CLSTN1: variants seen among roughly 807,000 people sequenced by gnomAD.
The protein encoded by CLSTN1 is calsyntenin-1.
In CLSTN1, 28 loss-of-function variants were observed where a neutral mutation model predicts 108.3. The ratio of observed to expected loss-of-function variants is 0.26; its 90% CI spans 0.19 to 0.35. The LOEUF (loss-of-function observed/expected upper bound fraction) is 0.35, where lower values mean the gene tolerates loss of function less well. CLSTN1 is among the 10% of genes least tolerant of loss of function. CLSTN1 has a pLI of 1.00. For synonymous variants in CLSTN1, 524 were observed against 534.9 expected, an observed-to-expected ratio of 0.98 and a Z score of 0.28; for missense variants, 1,157 against 1,302.6, an observed-to-expected ratio of 0.89 and a Z score of 1.72.
chr1:9,813,959 G>A (rs751242527), intron 1 of CLSTN1, among the ~76,000 whole-genome samples: 1 of 151,860 alleles, frequency 6.6e-6, no homozygotes, highest in African/African-American at 2.4e-5. Flanking sequence ...AAAATTAGCC[G>A]GGCGCAGTGG....
Position 9,823,063 on chromosome 1 carries a change from G to A in CLSTN1, c.91+580C>T, listed in dbSNP as rs1655248730. ...AACAGACAACGTCTGAAGGACTCTG[G>A]GAGGAGGCGGAAAGGGGCGAAGTCG... is the stretch of plus-strand genomic sequence containing the variant. On this transcript the variant is annotated intron_variant, in intron 1 of 18. Transcript: ENST00000377298. This position sits in a 1 kb window ranked among gnomAD's most constrained non-coding sequence, Gnocchi z 6.3. Among the ~76,000 whole-genome samples the A allele has an allele frequency of 6.6e-6, 1 of 152,220 alleles. No individual in the cohort carries two copies. The highest frequency in any genetic ancestry group is 2.4e-5 in the African/African-American group (1 of 41,454).
intron 1 of CLSTN1, among the ~76,000 whole-genome samples, chr1:9,788,867 CAAAAAAAA>C (rs56093052): frequency 2.9e-4 from 22 of 76,282 alleles, no homozygotes; most frequent in Non-Finnish European, 4.7e-4. Flanking sequence ...GACTCCGTCT[CAAAAAAAA>C]AAAAAAAAAA....
At chr1:9,733,587 G>T in intron 15 of CLSTN1, 41 bp from the exon 16 acceptor site, 1 of 1,610,908 alleles carries the variant, frequency 6.2e-7, no homozygotes, top group Non-Finnish European at 8.5e-7. Flanking sequence ...GGTGGCTTAG[G>T]GCAGGAGCAT....
rs193142273 is a variant in CLSTN1, at chr1:9,785,855, C to T, written c.92-12461G>A. 1.7e-3 allele frequency among the ~76,000 whole-genome samples: 257 copies of T among 151,862 alleles called. 1 individual carries two copies. Among genetic ancestry groups the T allele is most frequent in the African/African-American group, 5.9e-3 (246 of 41,384 alleles). ...TGTCTCAGAGGTGTGGGACACCCCA[C>T]CCAGCTTGAAGTTAATTTTTAAAAT... On this transcript the variant is annotated intron_variant, in intron 1 of 18. Coordinates refer to ENST00000377298, the MANE Select transcript of CLSTN1 (RefSeq NM_001009566.3).
chr1:9,736,986 T>A (rs970395482), intron 11 of CLSTN1, among the ~76,000 whole-genome samples: 1 of 151,966 alleles, frequency 6.6e-6, no homozygotes, highest in African/African-American at 2.4e-5. Flanking sequence ...AGCAGGAGAA[T>A]TGCTTGCACC....
intron 1 of CLSTN1, among the ~76,000 whole-genome samples, chr1:9,784,094 C>G (rs1263029500): frequency 6.6e-6 from 1 of 150,958 alleles, no homozygotes; most frequent in South Asian, 2.1e-4. Context: ...ATTGCCTGAA[C>G]CAGGGTGACG....
intron 1 of CLSTN1, among the ~76,000 whole-genome samples, chr1:9,779,581 C>CA (rs1653146222): frequency 6.6e-6 from 1 of 150,914 alleles, no homozygotes; most frequent in Non-Finnish European, 1.5e-5. Flanking sequence ...AACTCTGTCT[C>CA]AAAAAACAAA....
intron 10 of CLSTN1, among the ~76,000 whole-genome samples, chr1:9,738,475 C>T (rs1650806188): frequency 6.6e-6 from 1 of 152,196 alleles, no homozygotes; most frequent in Non-Finnish European, 1.5e-5. Flanking sequence ...AGCCACGGGC[C>T]TGTGCTACCT....
chr1:9,744,624 G>T lies in CLSTN1; in HGVS notation c.1005C>A (p.Ala335=). 6.2e-7 allele frequency: 1 copy of T among 1,611,492 alleles called. No homozygotes were observed. The highest frequency in any genetic ancestry group is 8.5e-7 in the Non-Finnish European group (1 of 1,179,796). ...ATCCACTCGGGGATGGCAGCAGCTC[G>T]GCAGTGCCCGCGGCCGCACCTGAAG... ...HRLCGAAAGT[A]ELLPSPSGSL... is the part of the protein sequence containing the mutation. Residue 335 remains alanine, a synonymous_variant, in exon 8 of 19, where the codon GCC becomes GCA. Coordinates refer to ENST00000377298, the MANE Select transcript of CLSTN1 (RefSeq NM_001009566.3).
chr1:9,785,145 G>C (rs1259694634), intron 1 of CLSTN1, among the ~76,000 whole-genome samples: 1 of 151,732 alleles, frequency 6.6e-6, no homozygotes, highest in South Asian at 2.1e-4. Context: ...TTGAACTCTT[G>C]ACCTCAGGTG....
At chr1:9,812,389 C>G (rs919701814) in intron 1 of CLSTN1, among the ~76,000 whole-genome samples, 5 of 152,150 alleles carry the variant, frequency 3.3e-5, no homozygotes, top group Non-Finnish European at 7.4e-5. Flanking sequence ...GCCAGAGATG[C>G]AGCTGACAAG....
chr1:9,808,231 T>C (rs1339681361), intron 1 of CLSTN1, among the ~76,000 whole-genome samples: 1 of 152,200 alleles, frequency 6.6e-6, no homozygotes, highest in African/African-American at 2.4e-5. Flanking sequence ...GTATTTTCCA[T>C]TCACGTTTGG....
chr1:9,753,608 C>T (rs1651664305), intron 4 of CLSTN1, among the ~76,000 whole-genome samples: 1 of 152,034 alleles, frequency 6.6e-6, no homozygotes, highest in South Asian at 2.1e-4. Context: ...TCTCCTGCCT[C>T]AGCCTCCCGA....
At chr1:9,790,745 G>C (rs533108314) in intron 1 of CLSTN1, among the ~76,000 whole-genome samples, 10 of 151,288 alleles carry the variant, frequency 6.6e-5, no homozygotes, top group Non-Finnish European at 1.0e-4. Context: ...AGCGGATTCA[G>C]CTATATGAAA....
At chr1:9,816,870 C>T in intron 1 of CLSTN1, among the ~76,000 whole-genome samples, 1 of 152,222 alleles carries the variant, frequency 6.6e-6, no homozygotes, top group East Asian at 1.9e-4. Flanking sequence ...TGGTCTCTTT[C>T]TCCCAACCTC....
chr1:9,742,299 T>A (rs1174383228), intron 9 of CLSTN1, among the ~76,000 whole-genome samples: 1 of 152,134 alleles, frequency 6.6e-6, no homozygotes, highest in South Asian at 2.1e-4. Flanking sequence ...TCTACAAGAA[T>A]GAAATGCTCT....
At chr1:9,800,386 G>T (rs1654206334) in intron 1 of CLSTN1, among the ~76,000 whole-genome samples, 1 of 151,704 alleles carries the variant, frequency 6.6e-6, no homozygotes, top group African/African-American at 2.4e-5. Flanking sequence ...TATCAGAAAT[G>T]AAAACAGGAA....
chr1:9,758,058 A>G (rs1293246558), intron 2 of CLSTN1, among the ~76,000 whole-genome samples: 1 of 151,906 alleles, frequency 6.6e-6, no homozygotes, highest in Non-Finnish European at 1.5e-5. Flanking sequence ...GAGTAACAAG[A>G]TCTCGGCTCA....
chr1:9,743,930 TCAG>T lies in CLSTN1; in HGVS notation c.1307_1309del (p.Ser436_Glu437delinsTer). ...CTCTGCAGGTCTGTATTTCTTCTCCTCAGAAGGATCCTGACGGAAGAGGAAGAT... is the reference window on the plus strand; with the variant it reads ...CTCTGCAGGTCTGTATTTCTTCTCCTAAGGATCCTGACGGAAGAGGAAGAT... On this transcript the variant is annotated stop_gained and inframe_deletion, in exon 9 of 19. Transcript: ENST00000377298. LOFTEE classifies it high-confidence loss of function. 1 of 1,614,042 alleles carries T rather than the reference TCAG, an allele frequency of 6.2e-7. No individual in the cohort carries two copies. Among genetic ancestry groups the T allele is most frequent in the Non-Finnish European group, 8.5e-7 (1 of 1,179,998 alleles).
Sources: gnomAD v4.1 joint callset for allele counts (sites outside exome capture counted in the v4.1 genomes callset) on GRCh38, gnomAD v4.1.1 for gene constraint, Gnocchi (gnomAD v3.1) non-coding constraint, MANE v1.5 for transcripts, NCBI Gene and HGNC (gene_info 2026-07-23, HGNC 2026-07-21) for gene names.